The following TTLL11 variants were observed in gnomAD, a reference collection of about 807,000 sequenced individuals.
TTLL11 encodes the protein tubulin tyrosine ligase like 11, also known as tubulin polyglutamylase TTLL11.
Under a neutral mutation model 51.7 loss-of-function variants are expected in TTLL11, and 42 were observed. The ratio of observed to expected loss-of-function variants is 0.81; its 90% CI spans 0.64 to 1.05. The LOEUF (loss-of-function observed/expected upper bound fraction) is 1.05, where lower values mean the gene tolerates loss of function less well. TTLL11 is among the 50% of genes least tolerant of loss of function. The pLI, the probability that TTLL11 is intolerant of heterozygous loss-of-function variation, is 0.00. For missense variants in TTLL11, 799 were observed against 940.4 expected (o/e 0.85, Z 1.97); for synonymous variants, 381 against 383.5 (o/e 0.99, Z 0.08).
rs1451159328 is a variant in TTLL11, at chr9:121,989,639, C to G, written c.825G>C (p.Gln275His). The part of the protein sequence containing the change: ...PSDIRLAGTL[Q>H]SRPAVVQEYI... ...ACTCCTGGACCACCGCTGGCCTGCTCTGGAGGGTCCCTGCCAGGCGGATGT... is the reference window on the plus strand; with the variant it reads ...ACTCCTGGACCACCGCTGGCCTGCTGTGGAGGGTCCCTGCCAGGCGGATGT... The change falls in exon 4 of 9, where the codon CAG becomes CAC. Residue 275 changes from glutamine (Q) to histidine (H), a missense_variant. Gln to His is a conservative substitution (Grantham distance 24, BLOSUM62 0). This residue lies in a region of TTLL11 where 468 missense variants were observed against 612.8 expected (regional missense o/e 0.76). Transcript: ENST00000321582. This position sits in a 1 kb window ranked among gnomAD's most constrained non-coding sequence, Gnocchi z 4.2. 1 of 1,614,056 alleles carries G rather than the reference C, an allele frequency of 6.2e-7. No individual in the cohort carries two copies. Among genetic ancestry groups the G allele is most frequent in the Non-Finnish European group, 8.5e-7 (1 of 1,180,058 alleles).
At chr9:121,895,659 GGTT>G (rs2131457145) in intron 6 of TTLL11, among the ~76,000 whole-genome samples, 1 of 86,108 alleles carries the variant, frequency 1.2e-5, no homozygotes, top group Non-Finnish European at 2.5e-5. Flanking sequence ...GTGTATGTGT[GGTT>G]GTGTGTGTTT....
intron 3 of TTLL11, among the ~76,000 whole-genome samples, chr9:122,026,219 A>T (rs887521132): frequency 6.6e-6 from 1 of 152,076 alleles, no homozygotes; most frequent in African/African-American, 2.4e-5. Context: ...CAGGCGGATC[A>T]CTTGAGGTCA....
intron 3 of TTLL11, among the ~76,000 whole-genome samples, chr9:122,005,142 A>C (rs968768914): frequency 2.0e-5 from 3 of 152,208 alleles, no homozygotes; most frequent in Non-Finnish European, 2.9e-5. Flanking sequence ...AAGTACCTTG[A>C]GAAATAGTAA....
At position 122,017,763 on chromosome 9, in the gene TTLL11, C is replaced by T. The variant is rs1021359112; in HGVS notation, c.693+13960G>A. Among the ~76,000 whole-genome samples, 9 of 151,736 alleles carry T rather than the reference C, an allele frequency of 5.9e-5. No individual in the cohort carries two copies. The Middle Eastern group carries it at 0.013, about 213-fold the overall frequency. ...GGCGTGAGCCACCGTGCCCAGCCAA[C>T]AGGGTAAGGATTTTTAAAGTCATAA... On this transcript the variant is annotated intron_variant, in intron 3 of 8. Coordinates refer to ENST00000321582, the MANE Select transcript of TTLL11 (RefSeq NM_001139442.2).
chr9:121,928,580 A>G (rs1419804937), intron 6 of TTLL11, among the ~76,000 whole-genome samples: 2 of 151,882 alleles, frequency 1.3e-5, no homozygotes, highest in Non-Finnish European at 2.9e-5. Flanking sequence ...AGCTAGCACT[A>G]CAGGTGCGCA....
At chr9:121,937,963 A>G (rs1841295670) in intron 6 of TTLL11, among the ~76,000 whole-genome samples, 1 of 152,146 alleles carries the variant, frequency 6.6e-6, no homozygotes, top group African/African-American at 2.4e-5. Flanking sequence ...CTGACATCAC[A>G]CTCAACAGTA....
chr9:121,944,657 T>C (rs1205281898), intron 6 of TTLL11, among the ~76,000 whole-genome samples: 5 of 152,186 alleles, frequency 3.3e-5, no homozygotes, highest in African/African-American at 9.7e-5. Context: ...TCCTATGTCA[T>C]AAAGCGTGGT....
chr9:121,912,868 A>T (rs1364528744), intron 6 of TTLL11, among the ~76,000 whole-genome samples: 1 of 152,128 alleles, frequency 6.6e-6, no homozygotes, highest in African/African-American at 2.4e-5. Context: ...TATGAGGAAC[A>T]TGAGATTTAG....
At chr9:121,978,464 T>A (rs1842763013) in intron 4 of TTLL11, among the ~76,000 whole-genome samples, 1 of 58,310 alleles carries the variant, frequency 1.7e-5, no homozygotes, top group Non-Finnish European at 3.5e-5. Context: ...TTTATTTATT[T>A]ATTTATTTAT....
At chr9:121,856,695 TC>T (rs1276215730) in intron 8 of TTLL11, among the ~76,000 whole-genome samples, 1 of 152,138 alleles carries the variant, frequency 6.6e-6, no homozygotes, top group Non-Finnish European at 1.5e-5. Flanking sequence ...GAACCCAGGC[TC>T]TATCATTCTT....
chr9:122,066,212 T>G (rs895450658), intron 1 of TTLL11, among the ~76,000 whole-genome samples: 2 of 112,802 alleles, frequency 1.8e-5, no homozygotes, highest in East Asian at 2.2e-4. Context: ...GTTGTTGTTG[T>G]TAGTGGTGGT....
intron 8 of TTLL11, among the ~76,000 whole-genome samples, chr9:121,830,419 C>T (rs1214614230): frequency 6.6e-6 from 1 of 152,194 alleles, no homozygotes; most frequent in Non-Finnish European, 1.5e-5. Flanking sequence ...CCTCCCTGCT[C>T]CCCACTGCAC....
intron 1 of TTLL11, among the ~76,000 whole-genome samples, chr9:122,065,584 G>T (rs1419358995): frequency 6.6e-6 from 1 of 152,164 alleles, no homozygotes; most frequent in Admixed American, 6.5e-5. Context: ...TACAAGCCTT[G>T]GCTTTCAGCT....
intron 6 of TTLL11, among the ~76,000 whole-genome samples, chr9:121,971,128 C>T (rs1842543759): frequency 9.3e-6 from 1 of 107,904 alleles, no homozygotes; most frequent in Non-Finnish European, 2.0e-5. Flanking sequence ...GGGGGGTCAG[C>T]CCCCCGCCCG....
chr9:121,902,469 A>G (rs1182309656), intron 6 of TTLL11, among the ~76,000 whole-genome samples: 1 of 152,232 alleles, frequency 6.6e-6, no homozygotes, highest in Non-Finnish European at 1.5e-5. Flanking sequence ...GGAACCTTGG[A>G]GAAAAAGATG....
intron 1 of TTLL11, among the ~76,000 whole-genome samples, chr9:122,039,884 T>TCACA (rs1219355523): frequency 1.5e-4 from 23 of 151,148 alleles, no homozygotes; most frequent in African/African-American, 5.4e-4. Flanking sequence ...TCTCTCTCTC[T>TCACA]CTCACACACA....
chr9:121,955,364 A>G (rs1028927651), intron 6 of TTLL11, among the ~76,000 whole-genome samples: 1 of 152,228 alleles, frequency 6.6e-6, no homozygotes, highest in African/African-American at 2.4e-5. Context: ...GTTAAATGGC[A>G]ATAGGCTCAA....
chr9:122,090,343 C>T (rs1339830275), intron 1 of TTLL11, among the ~76,000 whole-genome samples: 2 of 151,902 alleles, frequency 1.3e-5, no homozygotes, highest in Admixed American at 1.3e-4. Flanking sequence ...AAAACAGGTC[C>T]AAATCCCATC....
chr9:121,981,922 G>C (rs930357767), intron 4 of TTLL11, among the ~76,000 whole-genome samples: 13 of 152,284 alleles, frequency 8.5e-5, no homozygotes, highest in African/African-American at 2.9e-4. Context: ...TAGCTTATCA[G>C]TCCCCCAGTT....
Sources: allele counts gnomAD v4.1 joint callset (sites outside exome capture counted in the v4.1 genomes callset), GRCh38; gene constraint gnomAD v4.1.1; regional missense constraint gnomAD v4.1.1; non-coding constraint Gnocchi (gnomAD v3.1); transcripts MANE v1.5; gene names NCBI Gene and HGNC (gene_info 2026-07-23, HGNC 2026-07-21).